TMEM67: variants seen among roughly 807,000 people sequenced by gnomAD.
The protein encoded by TMEM67 is transmembrane protein 67, also known as meckelin.
Under a neutral mutation model 136.6 loss-of-function variants are expected in TMEM67, and 124 were observed. That is an observed-to-expected ratio of 0.91 (90% confidence interval 0.78 to 1.05). The LOEUF (loss-of-function observed/expected upper bound fraction) is 1.05, where lower values mean the gene tolerates loss of function less well. Ranked by LOEUF, TMEM67 falls within the 50% of genes least tolerant of loss-of-function variation. TMEM67 has a pLI of 0.00. For synonymous variants in TMEM67, 364 were observed against 390.5 expected, an observed-to-expected ratio of 0.93 and a Z score of 0.80; for missense variants, 1,107 against 1,178.4, an observed-to-expected ratio of 0.94 and a Z score of 0.89.
At chr8:93,804,642 A>ATG in intron 22 of TMEM67, 120 bp from the exon 23 acceptor site, 2 of 634,144 alleles carry the variant, frequency 3.2e-6, no homozygotes, top group Non-Finnish European at 5.6e-6. Flanking sequence ...CTCTTTATAT[A>ATG]TTTCCCAAGA....
chr8:93,756,362 G>C (rs1812574439), intron 2 of TMEM67: 1 of 152,002 alleles, frequency 6.6e-6, no homozygotes, highest in Non-Finnish European at 1.5e-5. Context: ...TGTTTTGTTA[G>C]TAATTTCATT....
At chr8:93,824,751 T>C in the TMEM67 span, among the ~76,000 whole-genome samples, 1 of 152,222 alleles carries the variant, frequency 6.6e-6, no homozygotes, top group Non-Finnish European at 1.5e-5. Flanking sequence ...GGTCTCACTC[T>C]GTTGCCCAGG....
chr8:93,781,662 C>G lies in TMEM67; in HGVS notation c.983C>G (p.Thr328Arg). The G allele has an allele frequency of 6.3e-7, 1 of 1,583,504 alleles. No homozygotes were observed. Among genetic ancestry groups the G allele is most frequent in the African/African-American group, 1.3e-5 (1 of 74,210 alleles). The change falls in exon 10 of 28, where the codon ACA becomes AGA. Residue 328 changes from threonine (T) to arginine (R), a missense_variant. By Grantham distance (71) the Thr-to-Arg change is moderately conservative. Transcript: ENST00000453321. ...TTGCTCGTTTTCTTTAATCAGAATA[C>G]AAAACTGAAGTTTGTTGCTGCTTCC... ...NFSFKGENQN[T>R]KLKFVAASYD...
chr8:93,774,842 T>C (rs201073243), intron 7 of TMEM67, among the ~76,000 whole-genome samples: 2 of 152,178 alleles, frequency 1.3e-5, no homozygotes, highest in African/African-American at 2.4e-5. Flanking sequence ...GTCTTTATAG[T>C]AGCATGATTT....
chr8:93,828,352 G>GAAC, the TMEM67 span, among the ~76,000 whole-genome samples: 1 of 152,028 alleles, frequency 6.6e-6, no homozygotes, highest in South Asian at 2.1e-4. Context: ...ACAACAACAA[G>GAAC]AACAACAAGC....
At chr8:93,793,983 C>T (rs1814500217) in intron 16 of TMEM67, among the ~76,000 whole-genome samples, 1 of 152,078 alleles carries the variant, frequency 6.6e-6, no homozygotes, top group Non-Finnish European at 1.5e-5. Flanking sequence ...CCTCTGCCTC[C>T]CGGGTTCAAG....
Position 93,780,955 on chromosome 8 carries a change from A to G in TMEM67, c.951A>G (p.Thr317=). Residue 317 remains threonine (T), a synonymous_variant, in exon 9 of 28, where the codon ACA becomes ACG. Coordinates refer to ENST00000453321, the MANE Select transcript of TMEM67 (RefSeq NM_153704.6). ...PQVLSSTSLP[T]NFSFKGENQN... The stretch of plus-strand genomic sequence containing the variant: ...TGCTCAGTTCTACCTCTCTTCCTAC[A>G]AATTTCAGTTTTAAAGGAGAAAACC... 6.2e-7 allele frequency: 1 copy of G among 1,611,320 alleles called. No individual in the cohort carries two copies. The highest frequency in any genetic ancestry group is 1.1e-5 in the South Asian group (1 of 90,974).
intron 6 of TMEM67, among the ~76,000 whole-genome samples, chr8:93,771,240 TTC>T (rs1230556522): frequency 6.6e-6 from 1 of 151,834 alleles, no homozygotes; most frequent in African/African-American, 2.4e-5. Context: ...ACTTTACTTT[TTC>T]TCTGTGCTTT....
intron 21 of TMEM67, among the ~76,000 whole-genome samples, chr8:93,802,225 T>A (rs1469766010): frequency 6.6e-6 from 1 of 152,144 alleles, no homozygotes; most frequent in Non-Finnish European, 1.5e-5. Flanking sequence ...ATCTCCACAG[T>A]CCCTTCATGG....
At chr8:93,814,466 T>A (rs1248555732) in intron 26 of TMEM67, among the ~76,000 whole-genome samples, 1 of 150,530 alleles carries the variant, frequency 6.6e-6, no homozygotes, top group African/African-American at 2.5e-5. Flanking sequence ...GGGCTTTTTT[T>A]TGTTTTTTTT....
At chr8:93,767,863 CTTTTTTTTT>C (rs200241819) in intron 6 of TMEM67, among the ~76,000 whole-genome samples, 4 of 109,918 alleles carry the variant, frequency 3.6e-5, no homozygotes, top group Non-Finnish European at 5.4e-5. Flanking sequence ...TTTCTTTTTT[CTTTTTTTTT>C]TTTTTTTTTT....
intron 7 of TMEM67, among the ~76,000 whole-genome samples, chr8:93,774,506 C>T (rs1002118051): frequency 6.6e-6 from 1 of 152,152 alleles, no homozygotes; most frequent in Non-Finnish European, 1.5e-5. Flanking sequence ...TGCTATCCCT[C>T]GCCCAGTCCC....
intron 3 of TMEM67, 128 bp from the exon 4 acceptor site, chr8:93,763,714 C>G: frequency 1.5e-6 from 1 of 685,800 alleles, no homozygotes; most frequent in Non-Finnish European, 2.6e-6. Context: ...GCCTTTAATG[C>G]AAATAAAGTG....
chr8:93,819,746 T>G (rs1032069711), downstream of TMEM67, among the ~76,000 whole-genome samples: 1 of 152,166 alleles, frequency 6.6e-6, no homozygotes, highest in Non-Finnish European at 1.5e-5. Flanking sequence ...CATGGCAGTT[T>G]GGGGCACTAC....
In TMEM67 at chr8:93,755,062, G is replaced by A. The variant is rs144253777; in HGVS notation, c.148G>A (p.Asp50Asn). The A allele has an allele frequency of 1.9e-6, 3 of 1,614,042 alleles. No individual in the cohort carries two copies. Among genetic ancestry groups the A allele is most frequent in the African/African-American group, 2.7e-5 (2 of 74,914 alleles). The change falls in exon 1 of 28, where the codon GAC (aspartate) becomes AAC (asparagine). Residue 50 changes from aspartate (D) to asparagine (N), a missense_variant. Coordinates refer to ENST00000453321, the MANE Select transcript of TMEM67 (RefSeq NM_153704.6). The part of the protein sequence containing the change: ...SFPFQQPEKC[D>N]NNQYFDISAL... Reference sequence around the variant, plus strand: ...CCCTTTCCAGCAGCCGGAGAAGTGCGACAACAACCAGTACTTTGATATCTC... The same window carrying A: ...CCCTTTCCAGCAGCCGGAGAAGTGCAACAACAACCAGTACTTTGATATCTC...
rs146581909 is a variant in TMEM67 at position 93,780,396 on chromosome 8, A to G, written c.715-197A>G. On this transcript the variant is annotated intron_variant, in intron 7 of 27. Transcript: ENST00000453321. ...TGCACCCACTGTCCAACCAGTCCCA[A>G]TGAGATGAACCAGGTATCTCAGTTG... Among the ~76,000 whole-genome samples, 1,035 of 152,128 alleles carry G rather than the reference A, an allele frequency of 6.8e-3. 6 individuals carry two copies. The highest frequency in any genetic ancestry group is 0.014 in the South Asian group (67 of 4,826).
At chr8:93,823,810 C>T (rs560542921), downstream of TMEM67, among the ~76,000 whole-genome samples, 42 of 151,300 alleles carry the variant, frequency 2.8e-4, no homozygotes, top group South Asian at 1.9e-3. Context: ...CAGTTTTTCC[C>T]ATTACAGCAA....
intron 7 of TMEM67, among the ~76,000 whole-genome samples, chr8:93,778,224 C>T (rs1298734083): frequency 6.6e-6 from 1 of 152,164 alleles, no homozygotes; most frequent in Non-Finnish European, 1.5e-5. Context: ...TCCTCCATCC[C>T]TTTATTTTGA....
chr8:93,819,328 A>G, downstream of TMEM67: 1 of 385,942 alleles, frequency 2.6e-6, no homozygotes, highest in South Asian at 2.0e-5. Flanking sequence ...AGGCCCAGAT[A>G]GAGGTCACCG....
Sources: gnomAD v4.1 joint callset for allele counts (sites outside exome capture counted in the v4.1 genomes callset) on GRCh38, gnomAD v4.1.1 for gene constraint, MANE v1.5 for transcripts, NCBI Gene and HGNC (gene_info 2026-07-23, HGNC 2026-07-21) for gene names.